STK3: variants seen among roughly 807,000 people sequenced by gnomAD.
STK3 encodes serine/threonine-protein kinase 3.
STK3 carries 41 observed loss-of-function variants against 58.0 expected under a neutral mutation model. That is an observed-to-expected ratio of 0.71 (90% CI 0.55 to 0.92). The LOEUF (loss-of-function observed/expected upper bound fraction) is 0.92, where lower values mean the gene tolerates loss of function less well. Among genes scored for constraint, STK3 ranks in the 40% least tolerant of loss-of-function variants. The pLI, the probability that STK3 is intolerant of heterozygous loss-of-function variation, is 0.00. For synonymous variants in STK3, 170 were observed against 191.0 expected, an observed-to-expected ratio of 0.89 and a Z score of 0.91; for missense variants, 479 against 602.7, an observed-to-expected ratio of 0.79 and a Z score of 2.15.
intron 3 of STK3, among the ~76,000 whole-genome samples, chr8:98,854,404 G>A (rs972753162): frequency 1.3e-5 from 2 of 152,060 alleles, no homozygotes; most frequent in Non-Finnish European, 2.9e-5. Flanking sequence ...CTCCCAAAAT[G>A]CCGAGATTAC....
At chr8:98,899,971 G>T (rs529396281) in intron 1 of STK3, among the ~76,000 whole-genome samples, 2 of 152,310 alleles carry the variant, frequency 1.3e-5, no homozygotes, top group African/African-American at 4.8e-5. Context: ...GGAACATAGT[G>T]ATTGCTTAAT....
At chr8:98,822,149 T>C (rs1834951868) in intron 1 of STK3, among the ~76,000 whole-genome samples, 1 of 152,200 alleles carries the variant, frequency 6.6e-6, no homozygotes, top group Admixed American at 6.5e-5. Flanking sequence ...TGTCAGTGAT[T>C]ACCTTTTGGG....
At chr8:98,931,003 T>G (rs1466265104) in intron 1 of STK3, among the ~76,000 whole-genome samples, 2 of 152,164 alleles carry the variant, frequency 1.3e-5, no homozygotes, top group Admixed American at 6.5e-5. Context: ...CAGATCAAGT[T>G]CCTAACCCAC....
At chr8:98,483,229 A>G (rs1821987338) in intron 10 of STK3, among the ~76,000 whole-genome samples, 1 of 152,202 alleles carries the variant, frequency 6.6e-6, no homozygotes, top group African/African-American at 2.4e-5. Flanking sequence ...CAATTCTTAT[A>G]AAGAAATGGG....
At chr8:98,699,200 C>T (rs1405289469) in intron 6 of STK3, among the ~76,000 whole-genome samples, 1 of 151,918 alleles carries the variant, frequency 6.6e-6, no homozygotes, top group African/African-American at 2.4e-5. Flanking sequence ...CGAGCCTTGG[C>T]TTTCAGCTCC....
chr8:98,696,568 C>A (rs1294206980), intron 6 of STK3, among the ~76,000 whole-genome samples: 1 of 151,994 alleles, frequency 6.6e-6, no homozygotes, highest in Non-Finnish European at 1.5e-5. Flanking sequence ...TAGCATGAAG[C>A]ATTGTTGAAT....
chr8:98,741,367 T>G (rs1241609116), intron 4 of STK3, among the ~76,000 whole-genome samples: 1 of 152,152 alleles, frequency 6.6e-6, no homozygotes, highest in Non-Finnish European at 1.5e-5. Context: ...TCAGCAAATG[T>G]AAAAGATCAG....
At chr8:98,866,236 C>G (rs1837139995) in intron 3 of STK3, among the ~76,000 whole-genome samples, 1 of 152,192 alleles carries the variant, frequency 6.6e-6, no homozygotes, top group South Asian at 2.1e-4. Flanking sequence ...TTTGCAGGGT[C>G]AGTAGTGGCC....
chr8:98,841,237 G>C (rs1430192559), intron 3 of STK3, among the ~76,000 whole-genome samples: 2 of 152,196 alleles, frequency 1.3e-5, no homozygotes, highest in African/African-American at 2.4e-5. Context: ...CAAAGAGAGA[G>C]GATTACACAG....
chr8:98,540,362 C>T (rs951378758), intron 9 of STK3, among the ~76,000 whole-genome samples: 7 of 152,168 alleles, frequency 4.6e-5, no homozygotes, highest in Non-Finnish European at 8.8e-5. Context: ...CTCTGAAGAG[C>T]GACTGTTACA....
chr8:98,558,804 T>C (rs182349531), intron 8 of STK3, among the ~76,000 whole-genome samples: 136 of 152,204 alleles, frequency 8.9e-4, no homozygotes, highest in African/African-American at 2.8e-3. Flanking sequence ...TTTTAATACA[T>C]AAATTGTATT....
intron 2 of STK3, 59 bp from the exon 3 acceptor site, chr8:98,767,430 A>C: frequency 6.8e-7 from 1 of 1,477,216 alleles, no homozygotes; most frequent in East Asian, 2.4e-5. Flanking sequence ...TAAGATTAAA[A>C]GTCTACTATG....
intron 1 of STK3, among the ~76,000 whole-genome samples, chr8:98,918,432 A>G (rs1200051285): frequency 6.6e-6 from 1 of 152,194 alleles, no homozygotes; most frequent in Non-Finnish European, 1.5e-5. Flanking sequence ...ATCCAGAACT[A>G]CCTGAAAAGG....
chr8:98,627,975 C>T (rs766083139), intron 6 of STK3, among the ~76,000 whole-genome samples: 1 of 152,174 alleles, frequency 6.6e-6, no homozygotes, highest in Non-Finnish European at 1.5e-5. Context: ...TAATTTGATA[C>T]TACAAATATT....
At chr8:98,476,483 C>G (rs4618666) in intron 10 of STK3, among the ~76,000 whole-genome samples, 47,712 of 152,070 alleles carry the variant, frequency 0.31, 8,876 homozygotes, top group Admixed American at 0.5. Context: ...GGCTCTGCGG[C>G]CCCCTGAAAA....
chr8:98,790,163 G>A (rs776484122), intron 1 of STK3, among the ~76,000 whole-genome samples: 14 of 151,690 alleles, frequency 9.2e-5, no homozygotes, highest in East Asian at 3.9e-4. Context: ...GAACCCTCCC[G>A]AAATCATTCT....
chr8:98,781,383 G>A (rs1327380968), intron 1 of STK3, among the ~76,000 whole-genome samples: 1 of 152,080 alleles, frequency 6.6e-6, no homozygotes, highest in Non-Finnish European at 1.5e-5. Context: ...TCCATGAAAT[G>A]CCAATCTGTG....
chr8:98,680,863 A>G (rs1402588482), intron 6 of STK3, among the ~76,000 whole-genome samples: 1 of 152,226 alleles, frequency 6.6e-6, no homozygotes, highest in Admixed American at 6.5e-5. Context: ...AAGTTTTGAA[A>G]TACATAATAG....
At chr8:98,696,752 G>A (rs769371486) in intron 6 of STK3, among the ~76,000 whole-genome samples, 3 of 152,054 alleles carry the variant, frequency 2.0e-5, no homozygotes, top group African/African-American at 4.8e-5. Context: ...TGCTGGATTC[G>A]TTTTGCCAGT....
Sources: gnomAD v4.1 joint callset for allele counts (sites outside exome capture counted in the v4.1 genomes callset) on GRCh38, gnomAD v4.1.1 for gene constraint, MANE v1.5 for transcripts, NCBI Gene and HGNC (gene_info 2026-07-23, HGNC 2026-07-21) for gene names.